WDR64: variants seen among roughly 807,000 people sequenced by gnomAD.
WDR64 encodes the protein WD repeat-containing protein 64.
A neutral mutation model predicts 139.3 loss-of-function variants in WDR64; 112 were observed. That is an observed-to-expected ratio of 0.80 (90% CI 0.69 to 0.94). The LOEUF is 0.94. Among genes scored for constraint, WDR64 ranks in the 40% least tolerant of loss-of-function variants. WDR64 has a pLI of 0.00. For synonymous variants in WDR64, 444 were observed against 437.7 expected, an observed-to-expected ratio of 1.01 and a Z score of -0.18; for missense variants, 1,206 against 1,293.1, an observed-to-expected ratio of 0.93 and a Z score of 1.03.
intron 13 of WDR64, among the ~76,000 whole-genome samples, chr1:241,745,745 C>G (rs1669732715): frequency 6.6e-6 from 1 of 152,108 alleles, no homozygotes; most frequent in Non-Finnish European, 1.5e-5. Context: ...GCCACTGTGC[C>G]AAGCCCTCTC....
chr1:241,670,467 A>G (rs1666183630), intron 2 of WDR64, among the ~76,000 whole-genome samples: 1 of 151,888 alleles, frequency 6.6e-6, no homozygotes, highest in South Asian at 2.1e-4. Flanking sequence ...GACTGATTTG[A>G]TTTCCAAGTA....
At chr1:241,766,798 A>G (rs1008856579) in intron 16 of WDR64, among the ~76,000 whole-genome samples, 3 of 152,054 alleles carry the variant, frequency 2.0e-5, no homozygotes, top group African/African-American at 7.2e-5. Flanking sequence ...ATATTCATGA[A>G]TGGACTGTGT....
intron 2 of WDR64, among the ~76,000 whole-genome samples, chr1:241,670,380 G>A (rs1666180136): frequency 6.6e-6 from 1 of 152,092 alleles, no homozygotes; most frequent in Admixed American, 6.6e-5. Context: ...AAAAATTCAT[G>A]GAAAATGGGT....
Position 241,676,780 on chromosome 1 carries a change from G to A in WDR64, c.484-1407G>A, listed in dbSNP as rs550965611. 1.6e-3 allele frequency among the ~76,000 whole-genome samples: 235 copies of A among 142,940 alleles called. 1 individual carries two copies. Among genetic ancestry groups the A allele is most frequent in the Non-Finnish European group, 2.7e-3 (179 of 66,824 alleles). The allele number at this position is 142,940 out of a possible 152,430, so 93.8% of individuals were successfully genotyped here. ...TTTTTTTTTGTAGAAACAGGGTCTCGCTGTGTTGTCCAGACTAGTCTTGAA... is the reference window on the plus strand; with the variant it reads ...TTTTTTTTTGTAGAAACAGGGTCTCACTGTGTTGTCCAGACTAGTCTTGAA... On this transcript the variant is annotated intron_variant, in intron 4 of 27. Coordinates refer to ENST00000437684, the MANE Select transcript of WDR64 (RefSeq NM_001367482.1).
chr1:241,687,511 C>T lies in WDR64; in HGVS notation c.890C>T (p.Ser297Leu). 6.2e-7 allele frequency: 1 copy of T among 1,613,820 alleles called. No homozygotes were observed. Among genetic ancestry groups the T allele is most frequent in the Non-Finnish European group, 8.5e-7 (1 of 1,179,878 alleles). The change falls in exon 8 of 28, where the codon TCA becomes TTA. Residue 297 changes from serine to leucine, a missense_variant. Physicochemically the swap from Ser to Leu is moderately radical, Grantham distance 145. Transcript: ENST00000437684. ...NDWVMKIRYI[S>L]ALNCFGSCSL... ...TGGGTTATGAAAATTAGATATATTT[C>T]AGCCCTAAATTGTTTTGGATCCTGC...
In WDR64 at chr1:241,723,313, C is replaced by A. The variant is rs564388666; in HGVS notation, c.1071C>A (p.Ile357=). ...CCTTTTCAGGAGATGATAAGGTCAT[C>A]CGGTTGTGGCACCCCAATATCAGCA... The part of the protein sequence containing the change: ...VIVTGGDDKV[I]RLWHPNISTK... The change falls in exon 10 of 28, where the codon ATC becomes ATA. Residue 357 remains isoleucine, a synonymous_variant. Coordinates refer to ENST00000437684, the MANE Select transcript of WDR64 (RefSeq NM_001367482.1). 6 of 1,613,894 alleles carry A rather than the reference C, an allele frequency of 3.7e-6. No homozygotes were observed. The Admixed American group carries it at 8.3e-5, about 22-fold the overall frequency.
At position 241,760,747 on chromosome 1, in the gene WDR64, T is replaced by C. The variant is rs1248725575; in HGVS notation, c.1947+3288T>C. On this transcript the variant is annotated intron_variant, in intron 15 of 27. Transcript: ENST00000437684. ...ATATACTTTATTTTATATATATATA[T>C]AGTGGGTTTCCATTTTTTTTTTTTT... is the stretch of plus-strand genomic sequence containing the variant. Among the ~76,000 whole-genome samples, 7 of 147,160 alleles carry C rather than the reference T, an allele frequency of 4.8e-5. No individual in the cohort carries two copies. The East Asian group carries it at 1.4e-3, about 29-fold the overall frequency.
intron 25 of WDR64, among the ~76,000 whole-genome samples, chr1:241,791,392 G>A (rs1262574125): frequency 1.3e-5 from 2 of 152,164 alleles, no homozygotes; most frequent in African/African-American, 2.4e-5. Flanking sequence ...ATTTATGTGG[G>A]CCGGGCACAG....
Position 241,741,516 on chromosome 1 carries a change from G to C in WDR64, c.1322G>C (p.Gly441Ala), listed in dbSNP as rs764249954. The part of the protein sequence containing the change: ...YDANHGMLIT[G>A]SSVMDMYPLT... Reference sequence around the variant, plus strand: ...TATGAGATTCTTACTTCTGTTCCAGGATCTAGTGTTATGGACATGTATCCT... The same window carrying C: ...TATGAGATTCTTACTTCTGTTCCAGCATCTAGTGTTATGGACATGTATCCT... The change falls in exon 12 of 28, where the codon GGA becomes GCA. Residue 441 changes from glycine (G) to alanine (A), a missense_variant and splice_region_variant. Transcript: ENST00000437684. The C allele has an allele frequency of 1.9e-6, 3 of 1,594,758 alleles. No individual in the cohort carries two copies. The highest frequency in any genetic ancestry group is 3.3e-4 in the Middle Eastern group (2 of 5,974).
intron 2 of WDR64, among the ~76,000 whole-genome samples, chr1:241,663,135 C>G (rs193108777): frequency 5.5e-4 from 83 of 152,218 alleles, no homozygotes; most frequent in African/African-American, 2.0e-3. Context: ...ACAAAAGCAA[C>G]AAATAGGAGA....
intron 10 of WDR64, among the ~76,000 whole-genome samples, chr1:241,736,415 T>TAAAAAAAAAAAAA (rs59588872): frequency 4.5e-5 from 6 of 134,644 alleles, no homozygotes; most frequent in African/African-American, 1.7e-4. Flanking sequence ...TGGAAGAGTT[T>TAAAAAAAAAAAAA]AAAAAAAAAA....
chr1:241,723,547 A>G, intron 10 of WDR64, 111 bp downstream of exon 10: 1 of 1,205,950 alleles, frequency 8.3e-7, no homozygotes, highest in Non-Finnish European at 1.1e-6. Context: ...TCATTGAATC[A>G]TTGAGAAAAA....
intron 11 of WDR64, among the ~76,000 whole-genome samples, chr1:241,739,246 T>C (rs1669443708): frequency 6.6e-6 from 1 of 152,208 alleles, no homozygotes; most frequent in Non-Finnish European, 1.5e-5. Flanking sequence ...ACTTTTTATA[T>C]GCATACCTTT....
chr1:241,732,837 A>C (rs903864247), intron 10 of WDR64, among the ~76,000 whole-genome samples: 8 of 151,298 alleles, frequency 5.3e-5, no homozygotes, highest in African/African-American at 7.3e-5. Flanking sequence ...AACCAAAAAA[A>C]CAAAAAAACA....
chr1:241,728,006 T>C (rs781252385), intron 10 of WDR64, among the ~76,000 whole-genome samples: 1 of 151,376 alleles, frequency 6.6e-6, no homozygotes, highest in Non-Finnish European at 1.5e-5. Context: ...CGTGAAGATC[T>C]AGGAAAAGGA....
intron 2 of WDR64, among the ~76,000 whole-genome samples, chr1:241,666,248 G>A (rs1666023515): frequency 6.6e-6 from 1 of 152,160 alleles, no homozygotes; most frequent in Admixed American, 6.6e-5. Context: ...ATTTGAGATC[G>A]TAGAGGCTAT....
intron 7 of WDR64, among the ~76,000 whole-genome samples, chr1:241,685,623 A>G (rs1024918817): frequency 6.6e-6 from 1 of 152,210 alleles, no homozygotes; most frequent in Non-Finnish European, 1.5e-5. Flanking sequence ...ATTATGTAAC[A>G]AATACTTTAT....
chr1:241,694,270 T>G (rs1436854488), intron 8 of WDR64, among the ~76,000 whole-genome samples: 1 of 152,222 alleles, frequency 6.6e-6, no homozygotes, highest in Non-Finnish European at 1.5e-5. Flanking sequence ...AGATGTGATT[T>G]TCTTGAAAAT....
intron 6 of WDR64, among the ~76,000 whole-genome samples, chr1:241,681,649 A>T (rs1245088800): frequency 6.6e-6 from 1 of 152,126 alleles, no homozygotes; most frequent in Non-Finnish European, 1.5e-5. Context: ...AGTAGTGGGA[A>T]TGCTGGATCA....
Sources: allele counts gnomAD v4.1 joint callset (sites outside exome capture counted in the v4.1 genomes callset), GRCh38; gene constraint gnomAD v4.1.1; transcripts MANE v1.5; gene names NCBI Gene and HGNC (gene_info 2026-07-23, HGNC 2026-07-21).